Variants in CATSPERE observed in about 807,000 individuals in gnomAD.
CATSPERE encodes cation channel sperm-associated auxiliary subunit epsilon.
Under a neutral mutation model 114.1 loss-of-function variants are expected in CATSPERE, and 93 were observed. That is an observed-to-expected ratio of 0.81 (90% CI 0.69 to 0.97). CATSPERE has a LOEUF of 0.97. CATSPERE is among the 50% of genes least tolerant of loss of function. CATSPERE has a pLI of 0.00. For synonymous variants in CATSPERE, 341 were observed against 384.1 expected (o/e 0.89, Z 1.31); for missense variants, 1,058 against 1,131.6 (o/e 0.93, Z 0.93).
chr1:244,560,367 C>T (rs1054502037), intron 9 of CATSPERE, among the ~76,000 whole-genome samples: 4 of 125,066 alleles, frequency 3.2e-5, no homozygotes, highest in Admixed American at 1.0e-4. Context: ...GACACAAAGG[C>T]GTAAGAATGA....
chr1:244,608,441 C>T (rs759943454), intron 18 of CATSPERE, among the ~76,000 whole-genome samples: 2 of 150,990 alleles, frequency 1.3e-5, no homozygotes, highest in South Asian at 2.1e-4. Flanking sequence ...GAGGCTGAGG[C>T]GGGAGGATTG....
At chr1:244,488,761 T>G (rs1671477221) in intron 5 of CATSPERE, among the ~76,000 whole-genome samples, 1 of 152,212 alleles carries the variant, frequency 6.6e-6, no homozygotes. Context: ...GTATCAGCCC[T>G]GGAGCCGGGG....
At chr1:244,610,542 C>A in intron 19 of CATSPERE, 1 of 655,696 alleles carries the variant, frequency 1.5e-6, no homozygotes, top group Non-Finnish European at 2.8e-6. Flanking sequence ...TTAATTTTCA[C>A]TGCTGTAAAT....
At position 244,518,695 on chromosome 1, in the gene CATSPERE, G is replaced by A; in HGVS notation, c.533G>A (p.Arg178Lys). ...TATTCTTCAAATGAGAAAATGAGAA[G>A]GGGGTATTTAATTTTTTTTAATTTT... ...KVYSSNEKMR[R>K]GTWRIVVPMT... is the part of the protein sequence containing the mutation. The change falls in exon 8 of 22, where the codon AGG (arginine) becomes AAG (lysine). Residue 178 changes from arginine to lysine, a missense_variant. Transcript: ENST00000366534. The A allele has an allele frequency of 2.7e-6, 4 of 1,463,532 alleles. No homozygotes were observed. Among genetic ancestry groups the A allele is most frequent in the Non-Finnish European group, 3.7e-6 (4 of 1,077,966 alleles). The allele number at this position is 1,463,532 out of a possible 1,614,324, so 90.7% of individuals were successfully genotyped here.
chr1:244,500,266 T>G (rs1370197610), intron 7 of CATSPERE, among the ~76,000 whole-genome samples: 9 of 152,200 alleles, frequency 5.9e-5, no homozygotes. Flanking sequence ...ATGGATAGAT[T>G]GCAAAAATTT....
intron 6 of CATSPERE, among the ~76,000 whole-genome samples, chr1:244,493,969 T>C (rs1227256003): frequency 6.6e-6 from 1 of 152,126 alleles, no homozygotes. Context: ...CTGGAGAGGA[T>C]GTGGAGAAAT....
At chr1:244,618,485 G>A (rs7522284) in intron 20 of CATSPERE, among the ~76,000 whole-genome samples, 92,730 of 152,132 alleles carry the variant, frequency 0.61, 28,768 homozygotes, top group Middle Eastern at 0.77. Context: ...AAAGAATGGT[G>A]CAGAAGAAAA....
intron 8 of CATSPERE, among the ~76,000 whole-genome samples, chr1:244,550,240 G>A (rs1660398593): frequency 6.6e-6 from 1 of 152,080 alleles, no homozygotes; most frequent in African/African-American, 2.4e-5. Flanking sequence ...CATGTGAAAG[G>A]CAACCACTCA....
intron 9 of CATSPERE, 122 bp from the exon 10 acceptor site, chr1:244,560,546 A>C (rs973952329): frequency 3.7e-6 from 2 of 540,490 alleles, no homozygotes; most frequent in Non-Finnish European, 5.8e-6. Context: ...CCTGTTCCCC[A>C]AAAACCTATT....
In CATSPERE at chr1:244,586,698, C is replaced by T. The variant is rs143305340; in HGVS notation, c.2086-1784C>T. 9.6e-4 allele frequency among the ~76,000 whole-genome samples: 146 copies of T among 152,278 alleles called. No individual in the cohort carries two copies. In the Middle Eastern group the frequency reaches 0.014, roughly 14 times the overall value. On this transcript the variant is annotated intron_variant, in intron 13 of 21. Transcript: ENST00000366534. The stretch of plus-strand genomic sequence containing the variant: ...TCCTGACCCCTAAGTCCTTCTTATA[C>T]GGTAGGGAGTATTAGAGTTTTTCCA...
chr1:244,571,235 G>T lies in CATSPERE; in HGVS notation c.1508-1095G>T, dbSNP rs187762703. Among the ~76,000 whole-genome samples the T allele has an allele frequency of 2.6e-5, 4 of 152,248 alleles. No individual in the cohort carries two copies. In the East Asian group the frequency reaches 5.8e-4, roughly 22 times the overall value. On this transcript the variant is annotated intron_variant, in intron 10 of 21. Coordinates refer to ENST00000366534, the MANE Select transcript of CATSPERE (RefSeq NM_001130957.2). ...AGTAGAATACAATTTATAGTAATTT[G>T]TAAAAATGTTACTGACTTATTCTGA...
intron 8 of CATSPERE, among the ~76,000 whole-genome samples, chr1:244,551,641 AGGCAATAG>A (rs938346681): frequency 6.6e-6 from 1 of 152,180 alleles, no homozygotes; most frequent in African/African-American, 2.4e-5. Flanking sequence ...CCATATAAGA[AGGCAATAG>A]GGCTGGCTCT....
chr1:244,543,612 T>C (rs1187612228), intron 8 of CATSPERE, among the ~76,000 whole-genome samples: 1 of 140,590 alleles, frequency 7.1e-6, no homozygotes, highest in Non-Finnish European at 1.5e-5. Flanking sequence ...ATATGTATTT[T>C]ATCTTTATTT....
rs902536268 is a variant in CATSPERE, at chr1:244,534,805, C to G, written c.536+16107C>G. On this transcript the variant is annotated intron_variant, in intron 8 of 21. Transcript: ENST00000366534. ...CTTCATTTGATGAAGTCATGTCTTA[C>G]CGGATGGTCTTGATGCCTGTGGTTG... Among the ~76,000 whole-genome samples, 3 of 152,170 alleles carry G rather than the reference C, an allele frequency of 2.0e-5. 1 individual carries two copies. Among genetic ancestry groups the G allele is most frequent in the Admixed American group, 2.0e-4 (3 of 15,278 alleles).
At chr1:244,621,841 A>G (rs181886739) in intron 20 of CATSPERE, among the ~76,000 whole-genome samples, 5 of 152,348 alleles carry the variant, frequency 3.3e-5, no homozygotes, top group African/African-American at 1.2e-4. Context: ...TACACAGATT[A>G]AACAAGAGAC....
chr1:244,485,049 G>A (rs1251707965), intron 5 of CATSPERE, among the ~76,000 whole-genome samples: 1 of 151,700 alleles, frequency 6.6e-6, no homozygotes, highest in South Asian at 2.1e-4. Context: ...CTCTGTGGTC[G>A]TTTTAAGATC....
In CATSPERE at chr1:244,552,352, A is replaced by C; in HGVS notation, c.567A>C (p.Lys189Asn). Residue 189 changes from lysine to asparagine, a missense_variant, in exon 9 of 22, where the codon AAA (lysine) becomes AAC (asparagine). Physicochemically the swap from Lys to Asn is moderately conservative, Grantham distance 94 (BLOSUM62 0). Coordinates refer to ENST00000366534, the MANE Select transcript of CATSPERE (RefSeq NM_001130957.2). ...GGCGTATTGTAGTACCAATGACAAA[A>C]GATGATGCACTAAAGGAGATTAGAG... Reference protein sequence around the residue: ...GTWRIVVPMTKDDALKEIRGN... With the variant: ...GTWRIVVPMTNDDALKEIRGN... 1 of 1,612,724 alleles carries C rather than the reference A, an allele frequency of 6.2e-7. No individual in the cohort carries two copies. The highest frequency in any genetic ancestry group is 8.5e-7 in the Non-Finnish European group (1 of 1,179,422).
At chr1:244,529,472 A>C (rs982005496) in intron 8 of CATSPERE, among the ~76,000 whole-genome samples, 4 of 152,140 alleles carry the variant, frequency 2.6e-5, no homozygotes, top group African/African-American at 9.7e-5. Flanking sequence ...TTCACCTAAG[A>C]AATGTCTATT....
intron 5 of CATSPERE, among the ~76,000 whole-genome samples, chr1:244,488,492 GC>G (rs1281933414): frequency 1.3e-5 from 2 of 152,118 alleles, no homozygotes; most frequent in African/African-American, 2.4e-5. Context: ...ACTCAAGAAA[GC>G]CAAGAAAACT....
Sources: allele counts gnomAD v4.1 joint callset (sites outside exome capture counted in the v4.1 genomes callset), GRCh38; gene constraint gnomAD v4.1.1; transcripts MANE v1.5; gene names NCBI Gene and HGNC (gene_info 2026-07-23, HGNC 2026-07-21).